Variants in PFKM observed in about 807,000 individuals in gnomAD.
PFKM encodes ATP-dependent 6-phosphofructokinase, muscle type.
Under a neutral mutation model 95.5 loss-of-function variants are expected in PFKM, and 58 were observed. That is an observed-to-expected ratio of 0.61 (90% CI 0.49 to 0.76). The LOEUF is 0.76. PFKM is among the 30% of genes least tolerant of loss of function. The pLI is 0.00. For missense variants in PFKM, 678 were observed against 1,005.4 expected (o/e 0.67, Z 4.40); for synonymous variants, 336 against 357.2 (o/e 0.94, Z 0.67).
intron 12 of PFKM, chr12:48,139,555 T>C: frequency 1.6e-6 from 1 of 626,044 alleles, no homozygotes; most frequent in Non-Finnish European, 2.8e-6. Context: ...GGCATCAACC[T>C]TTTATAATCT....
Position 48,142,870 on chromosome 12 carries a change from C to T in PFKM, c.1742C>T (p.Ala581Val), listed in dbSNP as rs747499720. ...ETMGGYCGYLATMAGLAAGAD... is the reference protein window; with the variant it reads ...ETMGGYCGYLVTMAGLAAGAD... The stretch of plus-strand genomic sequence containing the variant: ...ATGGGTGGCTACTGTGGCTACCTGG[C>T]TACCATGGCTGGACTGGCAGCTGGG... The change falls in exon 18 of 23, where the codon GCT (alanine) becomes GTT (valine). Residue 581 changes from alanine to valine, a missense_variant. Transcript: ENST00000359794. The T allele has an allele frequency of 6.0e-5, 97 of 1,614,040 alleles. No individual in the cohort carries two copies. The highest frequency in any genetic ancestry group is 8.1e-5 in the Non-Finnish European group (95 of 1,180,018).
intron 4 of PFKM, chr12:48,132,010 T>C (rs1279687793): frequency 2.2e-6 from 1 of 455,722 alleles, no homozygotes; most frequent in Non-Finnish European, 4.4e-6. Flanking sequence ...TGTATCCCCC[T>C]TTTTTCAGCT....
Position 48,142,856 on chromosome 12 carries a change from C to T in PFKM, c.1728C>T (p.Tyr576=), listed in dbSNP as rs143070090. 1.9e-6 allele frequency: 3 copies of T among 1,614,170 alleles called. No individual in the cohort carries two copies. The highest frequency in any genetic ancestry group is 2.5e-6 in the Non-Finnish European group (3 of 1,179,994). Residue 576 remains tyrosine, a synonymous_variant, in exon 18 of 23, where the codon TAC becomes TAT. Coordinates refer to ENST00000359794, the MANE Select transcript of PFKM (RefSeq NM_000289.6). ...RVFIIETMGG[Y]CGYLATMAGL... ...TTATCATTGAGACTATGGGTGGCTA[C>T]TGTGGCTACCTGGCTACCATGGCTG...
At chr12:48,124,299 T>C (rs1292406505) in intron 2 of PFKM, among the ~76,000 whole-genome samples, 3 of 152,224 alleles carry the variant, frequency 2.0e-5, no homozygotes, top group East Asian at 1.9e-4. Flanking sequence ...ACCACAGATC[T>C]GGCTTTTATT....
At chr12:48,142,758 A>C in intron 17 of PFKM, 24 bp from the exon 18 acceptor site, 1 of 1,610,156 alleles carries the variant, frequency 6.2e-7, no homozygotes, top group Non-Finnish European at 8.5e-7. Context: ...ATGTCTTTCT[A>C]ACTATAACCC....
intron 2 of PFKM, among the ~76,000 whole-genome samples, chr12:48,128,719 T>A (rs1018569125): frequency 6.6e-5 from 10 of 152,214 alleles, no homozygotes; most frequent in African/African-American, 2.4e-4. Flanking sequence ...GTTTTTTAGT[T>A]TGGTGCTGCA....
intron 3 of PFKM, among the ~76,000 whole-genome samples, chr12:48,110,457 A>G (rs1947081707): frequency 6.6e-6 from 1 of 152,158 alleles, no homozygotes; most frequent in East Asian, 1.9e-4. Flanking sequence ...CTCTAATGAG[A>G]TGGATGCCAC....
intron 3 of PFKM, chr12:48,108,327 T>G: frequency 1.4e-6 from 1 of 694,066 alleles, no homozygotes; most frequent in Non-Finnish European, 2.3e-6. Flanking sequence ...AGTCTGTGTG[T>G]GTGTGAAACA....
intron 4 of PFKM, chr12:48,132,078 A>G (rs10875747): frequency 0.18 from 82,047 of 455,662 alleles, 8,058 homozygotes; most frequent in East Asian, 0.25. Flanking sequence ...TGAAGGCTCT[A>G]CCTAGGTGCT....
At chr12:48,125,268 C>G in intron 2 of PFKM, 1 of 434,656 alleles carries the variant, frequency 2.3e-6, no homozygotes, top group South Asian at 1.6e-5. Context: ...GGCCCTCTGT[C>G]TCCAGATAGC....
At chr12:48,132,233 G>A in intron 4 of PFKM, 1 of 353,186 alleles carries the variant, frequency 2.8e-6, no homozygotes, top group Non-Finnish European at 5.5e-6. Context: ...TTCTCTCAGG[G>A]ATAGAAAGCC....
At chr12:48,105,441 A>G (rs764973545), upstream of PFKM, 1 of 519,062 alleles carries the variant, frequency 1.9e-6, no homozygotes, top group East Asian at 5.4e-5. Context: ...GTGGCAGTTA[A>G]GGGGATTTTC....
intron 2 of PFKM, among the ~76,000 whole-genome samples, chr12:48,124,312 A>C (rs1299619557): frequency 6.6e-6 from 1 of 152,200 alleles, no homozygotes; most frequent in African/African-American, 2.4e-5. Context: ...CTTTTATTGC[A>C]TCTGTCTTCT....
At position 48,142,045 on chromosome 12, in the gene PFKM, A is replaced by G. The variant is rs2136010299; in HGVS notation, c.1632A>G (p.Thr544=). ...PGSDFSVGAD[T]ALNTICTTCD... ...CAGACTTCAGCGTTGGGGCTGACACAGCACTCAATACTATCTGCACAGTGA... is the reference window on the plus strand; with the variant it reads ...CAGACTTCAGCGTTGGGGCTGACACGGCACTCAATACTATCTGCACAGTGA... The change falls in exon 17 of 23, where the codon ACA becomes ACG. Residue 544 remains threonine, a synonymous_variant. Transcript: ENST00000359794. 3.1e-6 allele frequency: 5 copies of G among 1,614,142 alleles called. No individual in the cohort carries two copies. The highest frequency in any genetic ancestry group is 4.2e-6 in the Non-Finnish European group (5 of 1,179,972).
At chr12:48,135,481 A>G in intron 10 of PFKM, 98 bp downstream of exon 10, 1 of 833,782 alleles carries the variant, frequency 1.2e-6, no homozygotes, top group South Asian at 1.5e-5. Flanking sequence ...GACTTACATC[A>G]CTGGTCGCAT....
chr12:48,141,274 TTA>T lies in PFKM; in HGVS notation c.1342-36_1342-35del, dbSNP rs755630260. On this transcript the variant is annotated intron_variant, in intron 14 of 22. Coordinates refer to ENST00000359794, the MANE Select transcript of PFKM (RefSeq NM_000289.6). ...AGTCCCACACAGGCCTCCTAGTGCT[TTA>T]GCCTTGTGCAGAGCTCTGTGGCTTA... 6.3e-6 allele frequency: 10 copies of T among 1,596,358 alleles called. No individual in the cohort carries two copies. The Admixed American group carries it at 6.7e-5, about 11-fold the overall frequency.
rs1039276533 is a variant in PFKM, at chr12:48,145,980, T to G, written c.*272T>G. 2.2e-6 allele frequency: 1 copy of G among 454,424 alleles called. No homozygotes were observed. Among genetic ancestry groups the G allele is most frequent in the Non-Finnish European group, 4.0e-6 (1 of 251,238 alleles). The allele number at this position is 454,424 out of a possible 1,614,324, so 28.1% of individuals were successfully genotyped here. ...CTACTGCTAGATATCACTTACTCAG[T>G]TAGAATTTTCCTAAAAATAAGCTTT... is the stretch of plus-strand genomic sequence containing the variant. On this transcript the variant is annotated 3_prime_UTR_variant, in exon 23 of 23. Transcript: ENST00000359794. This position sits in a 1 kb window ranked among gnomAD's most constrained non-coding sequence, Gnocchi z 4.3.
At chr12:48,131,948 G>A in intron 4 of PFKM, 1 of 452,344 alleles carries the variant, frequency 2.2e-6, no homozygotes, top group South Asian at 1.6e-5. Flanking sequence ...CCCACAGTGA[G>A]TGAGAGAAAT....
chr12:48,131,471 C>T, intron 4 of PFKM, 78 bp downstream of exon 4: 1 of 998,914 alleles, frequency 1.0e-6, no homozygotes, highest in Non-Finnish European at 1.6e-6. Flanking sequence ...TCATGGTCTC[C>T]TAAATTCCCT....
Sources: allele counts gnomAD v4.1 joint callset (sites outside exome capture counted in the v4.1 genomes callset), GRCh38; gene constraint gnomAD v4.1.1; non-coding constraint Gnocchi (gnomAD v3.1); transcripts MANE v1.5; gene names NCBI Gene and HGNC (gene_info 2026-07-23, HGNC 2026-07-21).